Variants in TFDP1 observed in about 807,000 individuals in gnomAD.
The protein encoded by TFDP1 is DRTF1-polypeptide 1.
In TFDP1, 6 loss-of-function variants were observed where a neutral mutation model predicts 48.0. That is an observed-to-expected ratio of 0.13 (90% CI 0.07 to 0.25). The LOEUF is 0.25. Ranked by LOEUF, TFDP1 falls within the 10% of genes least tolerant of loss-of-function variation. The probability of loss-of-function intolerance (pLI) is 1.00; values close to 1 mark genes in which losing one functional copy is unlikely to be tolerated. For synonymous variants in TFDP1, 201 were observed against 211.6 expected, an observed-to-expected ratio of 0.95 and a Z score of 0.44; for missense variants, 335 against 543.0, an observed-to-expected ratio of 0.62 and a Z score of 3.81.
chr13:113,612,678 T>A (rs1185680352), intron 3 of TFDP1, among the ~76,000 whole-genome samples: 1 of 152,246 alleles, frequency 6.6e-6, no homozygotes, highest in Non-Finnish European at 1.5e-5. Context: ...TTAGGTTACA[T>A]GCAGTAGGCT....
rs552824904 is a variant in TFDP1, at chr13:113,633,588, C to T, written c.475-302C>T. Among the ~76,000 whole-genome samples the T allele has an allele frequency of 1.3e-5, 2 of 152,342 alleles. No homozygotes were observed. Among genetic ancestry groups the T allele is most frequent in the South Asian group, 4.1e-4 (2 of 4,826 alleles). On this transcript the variant is annotated intron_variant, in intron 6 of 11. Transcript: ENST00000375370. This position sits in a 1 kb window ranked among gnomAD's most constrained non-coding sequence, Gnocchi z 4.5. ...TTGCTGGCACGATGCTTTGTCAACT[C>T]CAGTGAGTGAGCACGTGGGCTGGCT...
intron 4 of TFDP1, among the ~76,000 whole-genome samples, chr13:113,628,103 G>A (rs939100112): frequency 6.6e-6 from 1 of 152,044 alleles, no homozygotes; most frequent in African/African-American, 2.4e-5. Flanking sequence ...AGACTGTCTG[G>A]AGCCGTGTAA....
chr13:113,625,419 C>T (rs1169750750), intron 4 of TFDP1, among the ~76,000 whole-genome samples: 7 of 125,562 alleles, frequency 5.6e-5, no homozygotes, highest in East Asian at 5.5e-4. Flanking sequence ...GTGTCTCTCA[C>T]GTGTCCTCAG....
At chr13:113,615,035 C>CA (rs550746629) in intron 3 of TFDP1, among the ~76,000 whole-genome samples, 195 of 152,284 alleles carry the variant, frequency 1.3e-3, no homozygotes, top group South Asian at 9.5e-3. Flanking sequence ...AACTGACTGT[C>CA]ACACCCTTCG....
intron 3 of TFDP1, among the ~76,000 whole-genome samples, chr13:113,615,783 C>G (rs1308369502): frequency 6.6e-6 from 1 of 152,168 alleles, no homozygotes; most frequent in East Asian, 1.9e-4. Flanking sequence ...TGGCGCATGT[C>G]TATAGATAGT....
intron 2 of TFDP1, among the ~76,000 whole-genome samples, chr13:113,608,596 G>A (rs971660918): frequency 9.2e-5 from 14 of 152,204 alleles, no homozygotes; most frequent in Non-Finnish European, 1.9e-4. Context: ...TTGACTCCTG[G>A]CCTCACCCAC....
chr13:113,599,079 G>T (rs1394026064), intron 2 of TFDP1, among the ~76,000 whole-genome samples: 1 of 152,056 alleles, frequency 6.6e-6, no homozygotes, highest in Admixed American at 6.5e-5. Flanking sequence ...AGATGTGTGT[G>T]TTTAAATACA....
intron 2 of TFDP1, among the ~76,000 whole-genome samples, chr13:113,606,189 G>A (rs148926828): frequency 5.0e-4 from 74 of 148,842 alleles, no homozygotes; most frequent in Non-Finnish European, 7.1e-4. Flanking sequence ...GTGGGAAGGC[G>A]GTGCGGTGGT....
intron 8 of TFDP1, among the ~76,000 whole-genome samples, chr13:113,634,843 ATGTGCCTG>A (rs1360618832): frequency 2.7e-5 from 4 of 147,576 alleles, no homozygotes; most frequent in Admixed American, 6.7e-5. Context: ...GTGTGTGTGC[ATGTGCCTG>A]TGTGCGTGCG....
rs1199201184 is a variant in TFDP1, at chr13:113,598,867, G to A, written c.13-12129G>A. On this transcript the variant is annotated intron_variant, in intron 2 of 11. Transcript: ENST00000375370. The surrounding 1 kb of genome is among the most constrained non-coding windows in gnomAD (Gnocchi z 4.2). The stretch of plus-strand genomic sequence containing the variant: ...CCCTCGCCTGCAGCTCATCACCTCT[G>A]GATGGATCTTGTTAGGTGTGTGGCT... 6.6e-6 allele frequency among the ~76,000 whole-genome samples: 1 copy of A among 152,188 alleles called. No homozygotes were observed. Among genetic ancestry groups the A allele is most frequent in the Non-Finnish European group, 1.5e-5 (1 of 68,032 alleles).
At chr13:113,634,905 CTGTGTGCGTG>C (rs2049441950) in intron 8 of TFDP1, among the ~76,000 whole-genome samples, 1 of 150,736 alleles carries the variant, frequency 6.6e-6, no homozygotes, top group African/African-American at 2.4e-5. Flanking sequence ...GTGCATGTGC[CTGTGTGCGTG>C]TGTGTGTGTG....
chr13:113,617,414 A>T lies in TFDP1; in HGVS notation c.80-5766A>T, dbSNP rs184034297. ...AATGCTGCTTGCGAGCCAGTCACAGAGGCACTCACATGCAGAGCCGCTCAC... is the reference window on the plus strand; with the variant it reads ...AATGCTGCTTGCGAGCCAGTCACAGTGGCACTCACATGCAGAGCCGCTCAC... On this transcript the variant is annotated intron_variant, in intron 3 of 11. Coordinates refer to ENST00000375370, the MANE Select transcript of TFDP1 (RefSeq NM_007111.5). 4.1e-3 allele frequency among the ~76,000 whole-genome samples: 629 copies of T among 152,278 alleles called. 14 individuals carry two copies. The highest frequency in any genetic ancestry group is 0.014 in the African/African-American group (593 of 41,522).
At position 113,598,496 on chromosome 13, in the gene TFDP1, G is replaced by A. The variant is rs1016751447; in HGVS notation, c.13-12500G>A. On this transcript the variant is annotated intron_variant, in intron 2 of 11. Coordinates refer to ENST00000375370, the MANE Select transcript of TFDP1 (RefSeq NM_007111.5). This position sits in a 1 kb window ranked among gnomAD's most constrained non-coding sequence, Gnocchi z 4.2. ...GGGCCCCACCCTCTGTGCCTGCTGGGGCTTCAGAATCCACTGGTTTCCTGA... is the reference window on the plus strand; with the variant it reads ...GGGCCCCACCCTCTGTGCCTGCTGGAGCTTCAGAATCCACTGGTTTCCTGA... Among the ~76,000 whole-genome samples, 1 of 152,080 alleles carries A rather than the reference G, an allele frequency of 6.6e-6. No homozygotes were observed. Among genetic ancestry groups the A allele is most frequent in the African/African-American group, 2.4e-5 (1 of 41,382 alleles).
At chr13:113,592,961 T>G (rs1594405725) in intron 2 of TFDP1, among the ~76,000 whole-genome samples, 1 of 128,684 alleles carries the variant, frequency 7.8e-6, no homozygotes, top group African/African-American at 3.0e-5. Context: ...TGCTGTGTGC[T>G]GGTTCTCAGC....
intron 4 of TFDP1, among the ~76,000 whole-genome samples, chr13:113,630,470 C>A (rs903174784): frequency 3.3e-5 from 5 of 152,166 alleles, no homozygotes; most frequent in African/African-American, 1.2e-4. Context: ...ATGCATTTAT[C>A]CCCGTAAGAA....
rs61969014 is a variant in TFDP1 at position 113,602,099 on chromosome 13, C to T, written c.13-8897C>T. 7.3e-3 allele frequency among the ~76,000 whole-genome samples: 1,081 copies of T among 149,056 alleles called. 11 individuals carry two copies. The highest frequency in any genetic ancestry group is 0.012 in the Non-Finnish European group (828 of 67,288). Reference sequence around the variant, plus strand: ...CGAGGGAGAAGCGGATGGAGTTACCCGCAGGAGTCGAGGGAGGAGTGGACA... The same window carrying T: ...CGAGGGAGAAGCGGATGGAGTTACCTGCAGGAGTCGAGGGAGGAGTGGACA... On this transcript the variant is annotated intron_variant, in intron 2 of 11. Transcript: ENST00000375370.
At chr13:113,634,342 G>T in intron 7 of TFDP1, 192 bp from the exon 8 acceptor site, 1 of 636,048 alleles carries the variant, frequency 1.6e-6, no homozygotes, top group South Asian at 2.0e-5. Context: ...AGGGGAGAAG[G>T]TATAGTTTAG....
intron 3 of TFDP1, among the ~76,000 whole-genome samples, chr13:113,616,234 AGT>A (rs1357722695): frequency 6.7e-6 from 1 of 150,152 alleles, no homozygotes; most frequent in Non-Finnish European, 1.5e-5. Context: ...TAAGTGTGTA[AGT>A]GTACATTTGA....
intron 1 of TFDP1, among the ~76,000 whole-genome samples, chr13:113,585,107 C>G (rs1465670381): frequency 6.8e-6 from 1 of 146,810 alleles, no homozygotes; most frequent in Non-Finnish European, 1.5e-5. Flanking sequence ...GTCCCGGGCC[C>G]GGCCCTCCCG....
Sources: allele counts gnomAD v4.1 joint callset (sites outside exome capture counted in the v4.1 genomes callset), GRCh38; gene constraint gnomAD v4.1.1; non-coding constraint Gnocchi (gnomAD v3.1); transcripts MANE v1.5; gene names NCBI Gene and HGNC (gene_info 2026-07-23, HGNC 2026-07-21).